Variants in ATRNL1 observed in about 807,000 individuals in gnomAD.
The protein encoded by ATRNL1 is attractin-like protein 1.
In ATRNL1, 95 loss-of-function variants were observed where a neutral mutation model predicts 182.7. That is an observed-to-expected ratio of 0.52 (90% CI 0.44 to 0.62). ATRNL1 has a LOEUF of 0.62. Ranked by LOEUF, ATRNL1 falls within the 20% of genes least tolerant of loss-of-function variation. The pLI, the probability that ATRNL1 is intolerant of heterozygous loss-of-function variation, is 0.00. For missense variants in ATRNL1, 1,471 were observed against 1,679.5 expected, an observed-to-expected ratio of 0.88 and a Z score of 2.17; for synonymous variants, 576 against 568.3, an observed-to-expected ratio of 1.01 and a Z score of -0.19.
At chr10:115,825,022 A>C (rs1427062688) in intron 27 of ATRNL1, among the ~76,000 whole-genome samples, 1 of 152,204 alleles carries the variant, frequency 6.6e-6, no homozygotes, top group East Asian at 1.9e-4. Flanking sequence ...TGTATAAAGA[A>C]AATGTGGCAC....
At chr10:115,842,376 A>T (rs1190898386) in intron 27 of ATRNL1, among the ~76,000 whole-genome samples, 1 of 152,116 alleles carries the variant, frequency 6.6e-6, no homozygotes, top group African/African-American at 2.4e-5. Context: ...AAAAAATACT[A>T]AGGATTGGAA....
chr10:115,136,411 A>G (rs1845517276), intron 5 of ATRNL1, among the ~76,000 whole-genome samples: 1 of 152,194 alleles, frequency 6.6e-6, no homozygotes. Flanking sequence ...CAGAGTGTAT[A>G]TTCATTACAG....
At chr10:115,683,111 A>G (rs1256068684) in intron 26 of ATRNL1, among the ~76,000 whole-genome samples, 1 of 152,150 alleles carries the variant, frequency 6.6e-6, no homozygotes, top group Non-Finnish European at 1.5e-5. Flanking sequence ...ATAAATTGAT[A>G]AAGTTTTTAA....
At chr10:115,499,252 AAACT>A (rs1400931818) in intron 24 of ATRNL1, among the ~76,000 whole-genome samples, 2 of 152,218 alleles carry the variant, frequency 1.3e-5, no homozygotes, top group Non-Finnish European at 2.9e-5. Flanking sequence ...ACTCTTCAAG[AAACT>A]AACTGAAGAG....
intron 28 of ATRNL1, among the ~76,000 whole-genome samples, chr10:115,910,147 G>A (rs1952629231): frequency 6.6e-6 from 1 of 152,066 alleles, no homozygotes; most frequent in Non-Finnish European, 1.5e-5. Flanking sequence ...AAGGGCCATT[G>A]ACATTACATC....
chr10:115,744,484 C>T (rs1948232934), intron 27 of ATRNL1, among the ~76,000 whole-genome samples: 1 of 152,104 alleles, frequency 6.6e-6, no homozygotes. Flanking sequence ...TCTTACTACA[C>T]ACTATTTCTC....
At chr10:115,928,700 AT>A (rs562224121) in intron 28 of ATRNL1, among the ~76,000 whole-genome samples, 4 of 151,926 alleles carry the variant, frequency 2.6e-5, no homozygotes, top group South Asian at 2.1e-4. Context: ...AGTAAAACAG[AT>A]TTTTTTTAAA....
intron 5 of ATRNL1, among the ~76,000 whole-genome samples, chr10:115,144,491 A>G (rs544177502): frequency 6.6e-6 from 1 of 151,792 alleles, no homozygotes; most frequent in Non-Finnish European, 1.5e-5. Flanking sequence ...ACGGGGTTTC[A>G]CTACGTTGGC....
Position 115,528,008 on chromosome 10 carries a change from T to C in ATRNL1, c.3716+8684T>C, listed in dbSNP as rs1403836879. ...TCCCTCCCTCCCTCCCTTCCTTCCT[T>C]CCTTCCTTCCTTCCTTCCCTCCTTC... On this transcript the variant is annotated intron_variant, in intron 25 of 28. Transcript: ENST00000355044. Among the ~76,000 whole-genome samples, 231 of 57,210 alleles carry C rather than the reference T, an allele frequency of 4.0e-3. 7 individuals are homozygous for C. The highest frequency in any genetic ancestry group is 0.02 in the African/African-American group (214 of 10,932). 37.5% of individuals were successfully genotyped at this position (57,210 alleles called of 152,430 possible).
intron 20 of ATRNL1, among the ~76,000 whole-genome samples, chr10:115,423,587 A>G (rs1554962326): frequency 6.6e-6 from 1 of 152,144 alleles, no homozygotes; most frequent in Non-Finnish European, 1.5e-5. Context: ...AAAGACACAC[A>G]AACTAATGAA....
chr10:115,545,448 A>G (rs1217282478), intron 25 of ATRNL1, among the ~76,000 whole-genome samples: 2 of 152,126 alleles, frequency 1.3e-5, no homozygotes, highest in African/African-American at 4.8e-5. Flanking sequence ...CTAACCTAAT[A>G]GGAATTACCA....
chr10:115,450,938 A>G (rs1247140401), intron 21 of ATRNL1, among the ~76,000 whole-genome samples: 4 of 152,156 alleles, frequency 2.6e-5, no homozygotes, highest in Non-Finnish European at 2.9e-5. Flanking sequence ...ACATAGACCA[A>G]TGGAACAAAG....
chr10:115,816,615 G>C (rs201357703), intron 27 of ATRNL1, among the ~76,000 whole-genome samples: 12 of 150,254 alleles, frequency 8.0e-5, no homozygotes, highest in Admixed American at 4.6e-4. Flanking sequence ...GACACACACA[G>C]ACACACACAC....
At position 115,255,422 on chromosome 10, in the gene ATRNL1, G is replaced by C. The variant is rs541471533; in HGVS notation, c.1688-9771G>C. Reference sequence around the variant, plus strand: ...CAATGGCGAATGGGAGTTCACTCATGATTTGACTCTCTGTTTGTCTGTTAA... The same window carrying C: ...CAATGGCGAATGGGAGTTCACTCATCATTTGACTCTCTGTTTGTCTGTTAA... On this transcript the variant is annotated intron_variant, in intron 10 of 28. Transcript: ENST00000355044. Among the ~76,000 whole-genome samples, 27 of 152,268 alleles carry C rather than the reference G, an allele frequency of 1.8e-4. No homozygotes were observed. In the South Asian group the frequency reaches 5.4e-3, roughly 30 times the overall value.
At chr10:115,161,528 G>C (rs1450729815) in intron 6 of ATRNL1, among the ~76,000 whole-genome samples, 2 of 151,952 alleles carry the variant, frequency 1.3e-5, no homozygotes, top group Admixed American at 6.6e-5. Context: ...CCAAAGTCGA[G>C]TTTGTAAGAC....
chr10:115,112,491 G>A (rs1844301187), intron 1 of ATRNL1, among the ~76,000 whole-genome samples: 1 of 152,174 alleles, frequency 6.6e-6, no homozygotes. Context: ...ATGGGATCAA[G>A]TTTGAGGCAC....
chr10:115,786,925 T>A (rs1949410800), intron 27 of ATRNL1, among the ~76,000 whole-genome samples: 1 of 152,194 alleles, frequency 6.6e-6, no homozygotes, highest in South Asian at 2.1e-4. Context: ...TTTGCCAAGA[T>A]GAGGTCAGAA....
chr10:115,584,618 C>T (rs9663776), intron 26 of ATRNL1, among the ~76,000 whole-genome samples: 7,240 of 147,478 alleles, frequency 0.049, 553 homozygotes, highest in African/African-American at 0.17. Context: ...TTTTTTATTG[C>T]GTCTATTTGA....
At chr10:115,479,525 T>A (rs1848669822) in intron 24 of ATRNL1, among the ~76,000 whole-genome samples, 1 of 151,404 alleles carries the variant, frequency 6.6e-6, no homozygotes. Flanking sequence ...TTTAATAGGG[T>A]GTTTTATGTT....
Sources: gnomAD v4.1 joint callset for allele counts (sites outside exome capture counted in the v4.1 genomes callset) on GRCh38, gnomAD v4.1.1 for gene constraint, MANE v1.5 for transcripts, NCBI Gene and HGNC (gene_info 2026-07-23, HGNC 2026-07-21) for gene names.